Variants in TBXAS1 observed in about 807,000 individuals in gnomAD.
The protein encoded by TBXAS1 is thromboxane A synthase 1.
In TBXAS1, 48 loss-of-function variants were observed where a neutral mutation model predicts 60.7. The ratio of observed to expected loss-of-function variants is 0.79; its 90% confidence interval spans 0.63 to 1.01. The LOEUF is 1.01. Among genes scored for constraint, TBXAS1 ranks in the 50% least tolerant of loss-of-function variants. The probability of loss-of-function intolerance (pLI) is 0.00; values close to 1 mark genes in which losing one functional copy is unlikely to be tolerated. For missense variants in TBXAS1, 685 were observed against 686.3 expected (o/e 1.00, Z 0.02); for synonymous variants, 287 against 269.7 (o/e 1.06, Z -0.63).
At chr7:139,808,568 C>T (rs1797936089) in intron 4 of TBXAS1, among the ~76,000 whole-genome samples, 1 of 152,072 alleles carries the variant, frequency 6.6e-6, no homozygotes, top group Admixed American at 6.5e-5. Context: ...AGCGAGCAGC[C>T]CTCCTGAGCT....
intron 1 of TBXAS1, among the ~76,000 whole-genome samples, chr7:139,847,359 G>A (rs776520759): frequency 1.3e-5 from 2 of 151,972 alleles, no homozygotes; most frequent in Admixed American, 6.6e-5. Flanking sequence ...AATAAGCCCC[G>A]CTAAGCCATA....
chr7:139,897,194 A>G (rs748888001), intron 3 of TBXAS1, among the ~76,000 whole-genome samples: 8 of 152,150 alleles, frequency 5.3e-5, no homozygotes, highest in Non-Finnish European at 1.0e-4. Context: ...TACAATTACT[A>G]GAGAACCACT....
At chr7:139,890,277 G>A (rs528625243) in intron 3 of TBXAS1, among the ~76,000 whole-genome samples, 1 of 136,550 alleles carries the variant, frequency 7.3e-6, no homozygotes, top group South Asian at 2.4e-4. Context: ...GTGCTGTGGC[G>A]CGATCTCCGC....
intron 5 of TBXAS1, among the ~76,000 whole-genome samples, chr7:139,949,836 C>T (rs1056683990): frequency 2.6e-5 from 4 of 152,110 alleles, no homozygotes; most frequent in Admixed American, 1.3e-4. Flanking sequence ...TACTTAGGTT[C>T]ATGCACAGAT....
At chr7:139,956,250 G>A (rs1293048801) in intron 7 of TBXAS1, among the ~76,000 whole-genome samples, 3 of 152,210 alleles carry the variant, frequency 2.0e-5, no homozygotes, top group South Asian at 2.1e-4. Flanking sequence ...GGGTTCAAGC[G>A]ATTCTCCTGC....
chr7:140,019,084 A>G (rs908563820), intron 12 of TBXAS1, among the ~76,000 whole-genome samples: 1 of 152,222 alleles, frequency 6.6e-6, no homozygotes, highest in East Asian at 1.9e-4. Flanking sequence ...ATAGGAAGGC[A>G]TAAGGACACA....
intron 10 of TBXAS1, among the ~76,000 whole-genome samples, chr7:140,007,496 C>A (rs1814184078): frequency 6.6e-6 from 1 of 152,136 alleles, no homozygotes; most frequent in Admixed American, 6.5e-5. Flanking sequence ...TTCATTCATT[C>A]ATTCGTTCAT....
intron 9 of TBXAS1, among the ~76,000 whole-genome samples, chr7:139,988,156 C>A (rs565913056): frequency 1.3e-4 from 20 of 152,348 alleles, no homozygotes; most frequent in African/African-American, 4.3e-4. Context: ...TTTTAGCTTG[C>A]TTACTACATT....
chr7:139,954,296 C>T (rs1203636879), intron 6 of TBXAS1, among the ~76,000 whole-genome samples: 1 of 152,212 alleles, frequency 6.6e-6, no homozygotes, highest in Admixed American at 6.5e-5. Context: ...TCCACATTGT[C>T]TCTGATTATT....
At chr7:139,803,703 C>T (rs748176212) in intron 4 of TBXAS1, among the ~76,000 whole-genome samples, 1 of 152,174 alleles carries the variant, frequency 6.6e-6, no homozygotes. Context: ...TGCTGTGAGT[C>T]CCAGCCACTC....
chr7:139,837,807 T>C (rs1030747970), intron 1 of TBXAS1, among the ~76,000 whole-genome samples: 1 of 151,902 alleles, frequency 6.6e-6, no homozygotes. Flanking sequence ...CAACAACTTA[T>C]GGAAAAATAA....
chr7:139,890,148 G>A (rs1252886791), intron 3 of TBXAS1, among the ~76,000 whole-genome samples: 1 of 150,110 alleles, frequency 6.7e-6, no homozygotes, highest in East Asian at 2.0e-4. Flanking sequence ...GAAAGACTCC[G>A]AACCTTTCAT....
chr7:139,825,005 T>C (rs1798402341), upstream of TBXAS1, among the ~76,000 whole-genome samples: 1 of 151,928 alleles, frequency 6.6e-6, no homozygotes, highest in African/African-American at 2.4e-5. Context: ...AATTTTTGTA[T>C]TTTTAGTAGA....
At chr7:139,798,340 G>A (rs1293688095) in intron 4 of TBXAS1, among the ~76,000 whole-genome samples, 3 of 152,182 alleles carry the variant, frequency 2.0e-5, no homozygotes. Context: ...GAGGCGAACC[G>A]AGGAGAAAAC....
chr7:139,984,837 A>AAG, intron 9 of TBXAS1, among the ~76,000 whole-genome samples: 6 of 149,114 alleles, frequency 4.0e-5, no homozygotes, highest in Non-Finnish European at 5.9e-5. Flanking sequence ...AAGAAAGAGG[A>AAG]AGGAAGGAAG....
intron 3 of TBXAS1, 69 bp downstream of exon 3, chr7:139,875,706 C>T (rs371199405): frequency 1.3e-4 from 199 of 1,545,910 alleles, no homozygotes; most frequent in Non-Finnish European, 1.6e-4. Context: ...TTGATTTTCA[C>T]GTGTTGAACT....
chr7:139,974,065 A>G (rs1267698059), intron 9 of TBXAS1, among the ~76,000 whole-genome samples: 1 of 152,186 alleles, frequency 6.6e-6, no homozygotes, highest in East Asian at 1.9e-4. Context: ...AGTCTCCAAG[A>G]CATTTTAATT....
chr7:139,898,542 G>T (rs1248295107), intron 3 of TBXAS1, among the ~76,000 whole-genome samples: 3 of 149,994 alleles, frequency 2.0e-5, no homozygotes, highest in Non-Finnish European at 2.9e-5. Context: ...GGCCAGGCTG[G>T]TCTCAAAATC....
At chr7:139,953,290 A>C in intron 5 of TBXAS1, 78 bp from the exon 6 acceptor site, 1 of 1,186,000 alleles carries the variant, frequency 8.4e-7, no homozygotes, top group Non-Finnish European at 1.3e-6. Flanking sequence ...AGCACTACAT[A>C]TAACCTCTTC....
Sources: allele counts gnomAD v4.1 joint callset (sites outside exome capture counted in the v4.1 genomes callset), GRCh38; gene constraint gnomAD v4.1.1; transcripts MANE v1.5; gene names NCBI Gene and HGNC (gene_info 2026-07-23, HGNC 2026-07-21).